GALK2: variants seen among roughly 807,000 people sequenced by gnomAD.
The protein encoded by GALK2 is N-acetylgalactosamine kinase.
Under a neutral mutation model 52.4 loss-of-function variants are expected in GALK2, and 36 were observed. The observed-to-expected ratio is 0.69, with a 90% CI of 0.53 to 0.91. The LOEUF is 0.91. GALK2 is among the 40% of genes least tolerant of loss of function. The pLI, the probability that GALK2 is intolerant of heterozygous loss-of-function variation, is 0.00. For missense variants in GALK2, 579 were observed against 559.1 expected (o/e 1.04, Z -0.36); for synonymous variants, 176 against 199.1 (o/e 0.88, Z 0.98).
At chr15:49,322,764 T>C (rs762989999) in intron 9 of GALK2, among the ~76,000 whole-genome samples, 2 of 152,096 alleles carry the variant, frequency 1.3e-5, no homozygotes, top group Non-Finnish European at 2.9e-5. Context: ...GAGATCATCC[T>C]GGCTAACACG....
At chr15:49,159,350 C>T (rs775385469) in intron 1 of GALK2, among the ~76,000 whole-genome samples, 7 of 152,136 alleles carry the variant, frequency 4.6e-5, no homozygotes, top group Non-Finnish European at 7.4e-5. Context: ...CCGAGGCAGA[C>T]GGACCACCTG....
chr15:49,249,081 T>C (rs4775803), intron 5 of GALK2, among the ~76,000 whole-genome samples: 110,066 of 152,084 alleles, frequency 0.72, 40,328 homozygotes, highest in African/African-American at 0.8. Context: ...TTAACTGGAA[T>C]AATGCAAGTG....
chr15:49,230,648 C>G (rs1404637622), intron 3 of GALK2, among the ~76,000 whole-genome samples: 1 of 152,180 alleles, frequency 6.6e-6, no homozygotes, highest in Non-Finnish European at 1.5e-5. Context: ...TATAAATGGT[C>G]TACCCCAGAT....
chr15:49,161,317 CTGAGCATGCTGCT>C (rs1200127551), intron 1 of GALK2, among the ~76,000 whole-genome samples: 2 of 152,172 alleles, frequency 1.3e-5, no homozygotes, highest in Admixed American at 1.3e-4. Context: ...CTTCACTGTG[CTGAGCATGCTGCT>C]TGAGTACACA....
intron 3 of GALK2, among the ~76,000 whole-genome samples, chr15:49,355,316 A>C (rs1042345212): frequency 3.3e-5 from 5 of 152,234 alleles, no homozygotes; most frequent in Non-Finnish European, 7.3e-5. Context: ...CATTCAAACC[A>C]AAGGCAAAGA....
intron 2 of GALK2, among the ~76,000 whole-genome samples, chr15:49,203,263 A>G (rs544478061): frequency 6.6e-6 from 1 of 152,002 alleles, no homozygotes; most frequent in South Asian, 2.1e-4. Flanking sequence ...GTTGGCCAGG[A>G]TGGTCTTGAA....
At chr15:49,290,171 TG>T (rs1332811267) in intron 7 of GALK2, among the ~76,000 whole-genome samples, 1 of 152,220 alleles carries the variant, frequency 6.6e-6, no homozygotes, top group Non-Finnish European at 1.5e-5. Flanking sequence ...CTTTGAACAA[TG>T]GTGATCTTAT....
chr15:49,291,188 A>G (rs1266945669), intron 7 of GALK2, among the ~76,000 whole-genome samples: 3 of 151,444 alleles, frequency 2.0e-5, no homozygotes, highest in African/African-American at 7.3e-5. Context: ...TTTTTGTTTT[A>G]AATGACACCA....
chr15:49,165,466 T>C (rs2084788871), upstream of GALK2, among the ~76,000 whole-genome samples: 1 of 152,154 alleles, frequency 6.6e-6, no homozygotes. Context: ...TGAGCCAGAG[T>C]CTATAAAATC....
intron 5 of GALK2, among the ~76,000 whole-genome samples, chr15:49,279,162 G>A (rs1474727952): frequency 6.6e-6 from 1 of 152,174 alleles, no homozygotes; most frequent in Non-Finnish European, 1.5e-5. Context: ...AACCATATCA[G>A]TAGGGTTGTG....
At chr15:49,238,123 CT>C (rs769682887) in intron 4 of GALK2, among the ~76,000 whole-genome samples, 18 of 151,990 alleles carry the variant, frequency 1.2e-4, no homozygotes, top group Admixed American at 2.6e-4. Context: ...GAAATTCTCC[CT>C]TGTATAATAG....
chr15:49,295,918 T>G (rs997188375), intron 8 of GALK2, among the ~76,000 whole-genome samples: 42 of 152,142 alleles, frequency 2.8e-4, no homozygotes, highest in Non-Finnish European at 5.7e-4. Context: ...TCTTTTAGAT[T>G]TTTTTTGAAT....
At chr15:49,261,663 C>T (rs919705796) in intron 5 of GALK2, among the ~76,000 whole-genome samples, 7 of 151,684 alleles carry the variant, frequency 4.6e-5, no homozygotes, top group Non-Finnish European at 1.0e-4. Context: ...AAAGGGAATG[C>T]TTCCAGTTTT....
intron 3 of GALK2, chr15:49,235,520 A>G: frequency 2.2e-6 from 1 of 449,116 alleles, no homozygotes; most frequent in Non-Finnish European, 4.4e-6. Flanking sequence ...CAGCAGGCCC[A>G]GAGGATAAGC....
At chr15:49,299,373 G>A (rs540858355) in intron 8 of GALK2, among the ~76,000 whole-genome samples, 1 of 152,082 alleles carries the variant, frequency 6.6e-6, no homozygotes, top group South Asian at 2.1e-4. Flanking sequence ...GGATTTTTAT[G>A]TCTCAATTTC....
intron 1 of GALK2, among the ~76,000 whole-genome samples, chr15:49,171,140 T>G (rs2141172841): frequency 6.6e-6 from 1 of 150,578 alleles, no homozygotes; most frequent in East Asian, 1.9e-4. Flanking sequence ...TGGAGTGCAG[T>G]GGCGCCATCT....
intron 5 of GALK2, among the ~76,000 whole-genome samples, chr15:49,258,825 T>TGAGAGA (rs1421372969): frequency 8.3e-6 from 1 of 121,050 alleles, no homozygotes; most frequent in Non-Finnish European, 1.8e-5. Context: ...TGTGTGTGTG[T>TGAGAGA]GTGTGAGAGA....
At chr15:49,264,756 G>T (rs1050577282) in intron 5 of GALK2, among the ~76,000 whole-genome samples, 1 of 152,156 alleles carries the variant, frequency 6.6e-6, no homozygotes, top group Non-Finnish European at 1.5e-5. Context: ...TTTTTGGTGT[G>T]TATGTCCTTT....
At chr15:49,226,758 A>T (rs757734020) in intron 3 of GALK2, 1 of 151,994 alleles carries the variant, frequency 6.6e-6, no homozygotes, top group South Asian at 2.1e-4. Context: ...AGTATATTCC[A>T]TAGATTTTGG....
Sources: allele counts gnomAD v4.1 joint callset (sites outside exome capture counted in the v4.1 genomes callset), GRCh38; gene constraint gnomAD v4.1.1; transcripts MANE v1.5; gene names NCBI Gene and HGNC (gene_info 2026-07-23, HGNC 2026-07-21).